CHDH: variants seen among roughly 807,000 people sequenced by gnomAD.
CHDH encodes the protein choline dehydrogenase, mitochondrial.
Under a neutral mutation model 56.9 loss-of-function variants are expected in CHDH, and 43 were observed. The ratio of observed to expected loss-of-function variants is 0.76; its 90% CI spans 0.59 to 0.97. The LOEUF is 0.97. Ranked by LOEUF, CHDH falls within the 50% of genes least tolerant of loss-of-function variation. The pLI is 0.00. For synonymous variants in CHDH, 364 were observed against 348.5 expected (o/e 1.04, Z -0.50); for missense variants, 816 against 821.1 (o/e 0.99, Z 0.08).
rs985530038 is a variant in CHDH, at chr3:53,845,781, G to A, written c.-131+302C>T. ...ACGGCTTCCGCTTTGGGAGCCCCAGGTGTTGCTGTCCGAACTCACTTGGTG... is the reference window on the plus strand; with the variant it reads ...ACGGCTTCCGCTTTGGGAGCCCCAGATGTTGCTGTCCGAACTCACTTGGTG... On this transcript the variant is annotated intron_variant, in intron 1 of 8. Transcript: ENST00000315251. Among the ~76,000 whole-genome samples, 12 of 152,360 alleles carry A rather than the reference G, an allele frequency of 7.9e-5. No homozygotes were observed. In the South Asian group the frequency reaches 2.3e-3, roughly 29 times the overall value.
intron 1 of CHDH, among the ~76,000 whole-genome samples, chr3:53,842,264 A>G (rs1308507450): frequency 6.6e-6 from 1 of 152,312 alleles, no homozygotes; most frequent in Non-Finnish European, 1.5e-5. Flanking sequence ...TTCTTCCTCC[A>G]TAAAGTGTGG....
intron 4 of CHDH, 108 bp from the exon 5 acceptor site, chr3:53,821,884 A>T: frequency 2.1e-6 from 3 of 1,428,666 alleles, no homozygotes; most frequent in Non-Finnish European, 2.8e-6. Flanking sequence ...CTTGGGATGT[A>T]GAATCCTGTG....
rs2095617110 is a variant in CHDH at position 53,817,009 on chromosome 3, C to G, written c.*768G>C. ...TACAGGTGTGTACCACCATGCCCAG[C>G]TAATTGTTTTCCAGAGACAAGGTCT... On this transcript the variant is annotated 3_prime_UTR_variant, in exon 9 of 9. Coordinates refer to ENST00000315251, the MANE Select transcript of CHDH (RefSeq NM_018397.5). The G allele has an allele frequency of 6.6e-6, 1 of 152,254 alleles. No homozygotes were observed. 9.4% of individuals were successfully genotyped at this position (152,254 alleles called of 1,614,324 possible).
At chr3:53,824,938 T>C (rs144785113) in intron 2 of CHDH, among the ~76,000 whole-genome samples, 2,674 of 152,290 alleles carry the variant, frequency 0.018, 40 homozygotes, top group Non-Finnish European at 0.026. Context: ...CCACAAGCCC[T>C]GCACCAAGTA....
rs1318870515 is a variant in CHDH at position 53,845,541 on chromosome 3, C to A, written c.-131+542G>T. ...CAGCCTCTGTGACTCCACTGTTAGC[C>A]CAGCTGATTTTTGTGAACTTTCCCC... On this transcript the variant is annotated intron_variant, in intron 1 of 8. Coordinates refer to ENST00000315251, the MANE Select transcript of CHDH (RefSeq NM_018397.5). 2.0e-5 allele frequency among the ~76,000 whole-genome samples: 3 copies of A among 152,164 alleles called. 1 individual carries two copies.
Position 53,823,714 on chromosome 3 carries a change from A to C in CHDH, c.295T>G (p.Cys99Gly), listed in dbSNP as rs957695015. Reference sequence around the variant, plus strand: ...TAGCACCAGTTGTACCTGTCGTCGCACAGGTTGGCCACCAGGGCCGCGGGC... The same window carrying C: ...TAGCACCAGTTGTACCTGTCGTCGCCCAGGTTGGCCACCAGGGCCGCGGGC... ...HMPAALVANL[C>G]DDRYNWCYHT... Residue 99 changes from cysteine (C) to glycine (G), a missense_variant, in exon 3 of 9, where the codon TGC becomes GGC. Transcript: ENST00000315251. 1 of 1,551,572 alleles carries C rather than the reference A, an allele frequency of 6.4e-7. No individual in the cohort carries two copies. Among genetic ancestry groups the C allele is most frequent in the Non-Finnish European group, 8.7e-7 (1 of 1,148,448 alleles).
In CHDH at chr3:53,816,079, C is replaced by A. The variant is rs980466368; in HGVS notation, c.*1698G>T. The A allele has an allele frequency of 6.6e-6, 1 of 151,686 alleles. No individual in the cohort carries two copies. The allele number at this position is 151,686 out of a possible 1,614,324, so 9.4% of individuals were successfully genotyped here. A position where few individuals can be genotyped will look rare whatever the true frequency, so the allele number is the denominator to read the frequency against. ...AAAGGAGAGGTGTGATGGGTTTCTT[C>A]CTGCTGCCTCTCTCGAAGGTTTTTC... On this transcript the variant is annotated 3_prime_UTR_variant, in exon 9 of 9. Coordinates refer to ENST00000315251, the MANE Select transcript of CHDH (RefSeq NM_018397.5).
chr3:53,833,415 G>C (rs1329060236), intron 2 of CHDH, among the ~76,000 whole-genome samples: 1 of 152,220 alleles, frequency 6.6e-6, no homozygotes, highest in African/African-American at 2.4e-5. Context: ...TAAGCTGCTA[G>C]CGTAGTGCCC....
At chr3:53,831,435 G>A (rs1163948763) in intron 2 of CHDH, among the ~76,000 whole-genome samples, 1 of 152,238 alleles carries the variant, frequency 6.6e-6, no homozygotes, top group African/African-American at 2.4e-5. Flanking sequence ...CCACATAGTG[G>A]TTACAGCAGG....
At chr3:53,825,079 T>G (rs1311097437) in intron 2 of CHDH, among the ~76,000 whole-genome samples, 1 of 152,104 alleles carries the variant, frequency 6.6e-6, no homozygotes, top group East Asian at 1.9e-4. Context: ...TGAGAAGAAC[T>G]CTTCAGAGCT....
chr3:53,824,016 T>C lies in CHDH; in HGVS notation c.-8A>G, dbSNP rs746989071. The C allele has an allele frequency of 1.4e-6, 2 of 1,452,116 alleles. No individual in the cohort carries two copies. The highest frequency in any genetic ancestry group is 2.6e-5 in the East Asian group (1 of 38,938). The allele number at this position is 1,452,116 out of a possible 1,614,324, so 90.0% of individuals were successfully genotyped here. ...TCGTAGGAGACACCACATGCTTCTA[T>C]CTAGTCCAAGTCCTCTGATCCACGG... On this transcript the variant is annotated 5_prime_UTR_variant, in exon 3 of 9. Transcript: ENST00000315251.
chr3:53,820,497 A>AGACCAATGCAGACCTTC lies in CHDH; in HGVS notation c.1080_1096dup (p.Leu366ArgfsTer48), dbSNP rs1281756820. ...ACCTGTGAATTTCCAGAGCCACTCC[A>AGACCAATGCAGACCTTC]GACCAATGCAGACCTTCCGCAGGGG... On this transcript the variant is annotated frameshift_variant, in exon 6 of 9. Coordinates refer to ENST00000315251, the MANE Select transcript of CHDH (RefSeq NM_018397.5). LOFTEE classifies it high-confidence loss of function. The AGACCAATGCAGACCTTC allele has an allele frequency of 1.2e-6, 2 of 1,613,494 alleles. No individual in the cohort carries two copies. Among genetic ancestry groups the AGACCAATGCAGACCTTC allele is most frequent in the South Asian group, 2.2e-5 (2 of 91,006 alleles).
In CHDH at chr3:53,813,293, TG is replaced by T. The variant is rs1485303913; in HGVS notation, c.*4483del. The T allele has an allele frequency of 6.6e-6, 1 of 152,184 alleles. No homozygotes were observed. Among genetic ancestry groups the T allele is most frequent in the East Asian group, 1.9e-4 (1 of 5,204 alleles). The allele number at this position is 152,184 out of a possible 1,614,324, so 9.4% of individuals were successfully genotyped here. On this transcript the variant is annotated 3_prime_UTR_variant, in exon 9 of 9. Coordinates refer to ENST00000315251, the MANE Select transcript of CHDH (RefSeq NM_018397.5). ...AATCCTTTTTTATTAAAATGCAAAATGTTCTTCAGAATAAAACTGTGTAATA... is the reference window on the plus strand; with the variant it reads ...AATCCTTTTTTATTAAAATGCAAAATTTCTTCAGAATAAAACTGTGTAATA...
At chr3:53,834,052 C>G (rs1576798898) in intron 2 of CHDH, among the ~76,000 whole-genome samples, 1 of 152,186 alleles carries the variant, frequency 6.6e-6, no homozygotes, top group East Asian at 1.9e-4. Context: ...GAGTAACAAA[C>G]ATGGGGGCCA....
chr3:53,820,683 G>GAAAAATTCTTTCCT (rs2095624611), intron 5 of CHDH, 75 bp from the exon 6 acceptor site: 1 of 1,539,546 alleles, frequency 6.5e-7, no homozygotes, highest in Non-Finnish European at 8.8e-7. Flanking sequence ...CCCCGGTTTT[G>GAAAAATTCTTTCCT]AAAAATTCTT....
At position 53,826,315 on chromosome 3, in the gene CHDH, T is replaced by TAAA. The variant is rs59355780; in HGVS notation, c.-59-2251_-59-2249dup. On this transcript the variant is annotated intron_variant, in intron 2 of 8. Coordinates refer to ENST00000315251, the MANE Select transcript of CHDH (RefSeq NM_018397.5). ...ACAAAACCAGACAAAGACATTACAA[T>TAAA]AAAAAAAAAAAACCACTACAGACCA... Among the ~76,000 whole-genome samples the TAAA allele has an allele frequency of 2.5e-3, 343 of 139,934 alleles. 2 individuals carry two copies. The highest frequency in any genetic ancestry group is 7.6e-3 in the African/African-American group (306 of 40,422). The allele number at this position is 139,934 out of a possible 152,430, so 91.8% of individuals were successfully genotyped here. A position where few individuals can be genotyped will look rare whatever the true frequency, so the allele number is the denominator to read the frequency against.
At position 53,820,560 on chromosome 3, in the gene CHDH, G is replaced by A; in HGVS notation, c.1034C>T (p.Ala345Val). Reference sequence around the variant, plus strand: ...ATGGAGGGTGATAGGGCGGGTGCATGCCTGCTGAATGTAGATCTCCAGGTG... The same window carrying A: ...ATGGAGGGTGATAGGGCGGGTGCATACCTGCTGAATGTAGATCTCCAGGTG... ...QDHLEIYIQQ[A>V]CTRPITLHSA... is the part of the protein sequence containing the mutation. Residue 345 changes from alanine to valine, a missense_variant, in exon 6 of 9, where the codon GCA becomes GTA. Coordinates refer to ENST00000315251, the MANE Select transcript of CHDH (RefSeq NM_018397.5). 6.2e-7 allele frequency: 1 copy of A among 1,614,062 alleles called. No homozygotes were observed. The highest frequency in any genetic ancestry group is 8.5e-7 in the Non-Finnish European group (1 of 1,179,968).
chr3:53,838,560 A>G (rs1698576885), intron 2 of CHDH, among the ~76,000 whole-genome samples: 1 of 152,236 alleles, frequency 6.6e-6, no homozygotes. Context: ...GCTCTTATGC[A>G]GTCACATAGC....
rs1386524568 is a variant in CHDH at position 53,819,650 on chromosome 3, T to C, written c.1145A>G (p.Glu382Gly). 5 of 1,608,302 alleles carry C rather than the reference T, an allele frequency of 3.1e-6. No homozygotes were observed. The highest frequency in any genetic ancestry group is 4.2e-6 in the Non-Finnish European group (5 of 1,176,994). The change falls in exon 7 of 9, where the codon GAA becomes GGA. Residue 382 changes from glutamate (E) to glycine (G), a missense_variant. By Grantham distance (98) the Glu-to-Gly change is moderately conservative. Transcript: ENST00000315251. This position sits in a 1 kb window ranked among gnomAD's most constrained non-coding sequence, Gnocchi z 5.4. ...CTGGCTGCGGATGAACCCACCTGTTTCCAGATGGGCAGTGGCTCCCTCCCC... is the reference window on the plus strand; with the variant it reads ...CTGGCTGCGGATGAACCCACCTGTTCCCAGATGGGCAGTGGCTCCCTCCCC... Reference protein sequence around the residue: ...FTGEGATAHLETGGFIRSQPG... With the variant: ...FTGEGATAHLGTGGFIRSQPG...
Sources: gnomAD v4.1 joint callset for allele counts (sites outside exome capture counted in the v4.1 genomes callset) on GRCh38, gnomAD v4.1.1 for gene constraint, Gnocchi (gnomAD v3.1) non-coding constraint, MANE v1.5 for transcripts, NCBI Gene and HGNC (gene_info 2026-07-23, HGNC 2026-07-21) for gene names.